SLC39A11: variants seen among roughly 807,000 people sequenced by gnomAD.
SLC39A11 encodes the protein zinc transporter ZIP11.
Under a neutral mutation model 36.1 loss-of-function variants are expected in SLC39A11, and 33 were observed. The observed-to-expected ratio is 0.91, with a 90% confidence interval of 0.69 to 1.22. The LOEUF (loss-of-function observed/expected upper bound fraction) is 1.22, where lower values mean the gene tolerates loss of function less well. SLC39A11 is among the 50% of genes most tolerant of loss of function. The probability of loss-of-function intolerance (pLI) is 0.00; values close to 1 mark genes in which losing one functional copy is unlikely to be tolerated. For missense variants in SLC39A11, 432 were observed against 430.3 expected, an observed-to-expected ratio of 1.00 and a Z score of -0.03; for synonymous variants, 166 against 170.3, an observed-to-expected ratio of 0.97 and a Z score of 0.20.
chr17:72,792,618 C>A (rs1485329157), intron 6 of SLC39A11, among the ~76,000 whole-genome samples: 2 of 152,156 alleles, frequency 1.3e-5, no homozygotes, highest in East Asian at 3.9e-4. Flanking sequence ...AGTTTTAAAT[C>A]ACAGTTCTAT....
At chr17:72,791,680 G>A (rs1156873324) in intron 6 of SLC39A11, among the ~76,000 whole-genome samples, 1 of 152,148 alleles carries the variant, frequency 6.6e-6, no homozygotes, top group African/African-American at 2.4e-5. Flanking sequence ...CCCATGTGTT[G>A]GGGGAGGGAG....
At chr17:73,004,178 A>AG (rs1491140766) in intron 4 of SLC39A11, among the ~76,000 whole-genome samples, 80 of 78,600 alleles carry the variant, frequency 1.0e-3, no homozygotes, top group African/African-American at 4.2e-3. Context: ...AAAGAAAGAA[A>AG]GAAAGAAAGA....
At chr17:72,705,133 C>T (rs1286536340) in intron 7 of SLC39A11, among the ~76,000 whole-genome samples, 1 of 152,172 alleles carries the variant, frequency 6.6e-6, no homozygotes, top group Non-Finnish European at 1.5e-5. Context: ...AGTAAATTCT[C>T]TTTTTAGTTT....
intron 6 of SLC39A11, among the ~76,000 whole-genome samples, chr17:72,737,816 G>T (rs80246375): frequency 3.9e-4 from 59 of 152,010 alleles, no homozygotes; most frequent in African/African-American, 1.4e-3. Flanking sequence ...GCAGCCTCAG[G>T]CCCCAAATAC....
intron 5 of SLC39A11, among the ~76,000 whole-genome samples, chr17:72,877,989 G>T: frequency 1.1e-5 from 1 of 86,970 alleles, no homozygotes; most frequent in Non-Finnish European, 2.1e-5. Flanking sequence ...CCCACAACAG[G>T]CCCCAGTGCG....
At chr17:72,863,935 A>C (rs944328169) in intron 5 of SLC39A11, among the ~76,000 whole-genome samples, 1 of 152,224 alleles carries the variant, frequency 6.6e-6, no homozygotes, top group Non-Finnish European at 1.5e-5. Flanking sequence ...TCTGCCACCA[A>C]AACAGAAAAA....
intron 4 of SLC39A11, among the ~76,000 whole-genome samples, chr17:73,029,685 G>A (rs1376791821): frequency 6.6e-6 from 1 of 151,880 alleles, no homozygotes; most frequent in Non-Finnish European, 1.5e-5. Context: ...AGGTTCAAGC[G>A]ATTCTCATGC....
intron 2 of SLC39A11, among the ~76,000 whole-genome samples, chr17:73,088,106 A>G (rs549085697): frequency 5.9e-5 from 9 of 152,102 alleles, no homozygotes; most frequent in Admixed American, 3.3e-4. Flanking sequence ...GGAGTTTGAG[A>G]CCAGTGGTGA....
intron 6 of SLC39A11, among the ~76,000 whole-genome samples, chr17:72,743,448 G>C (rs1465217695): frequency 6.6e-6 from 1 of 152,188 alleles, no homozygotes; most frequent in East Asian, 1.9e-4. Flanking sequence ...TTCTGTGATG[G>C]TTTGCAAAGG....
intron 6 of SLC39A11, among the ~76,000 whole-genome samples, chr17:72,761,005 C>G (rs550484190): frequency 2.3e-4 from 35 of 152,314 alleles, no homozygotes; most frequent in African/African-American, 7.9e-4. Context: ...TCACCTGTTC[C>G]CCAGGACTCT....
chr17:72,886,520 C>T (rs184666842), intron 5 of SLC39A11, among the ~76,000 whole-genome samples: 1 of 152,174 alleles, frequency 6.6e-6, no homozygotes, highest in African/African-American at 2.4e-5. Flanking sequence ...ACTCTTTCTG[C>T]AGCTCAAGCT....
At chr17:72,717,249 A>G (rs574892496) in intron 7 of SLC39A11, among the ~76,000 whole-genome samples, 5 of 152,084 alleles carry the variant, frequency 3.3e-5, no homozygotes, top group African/African-American at 1.2e-4. Context: ...GAGGAAGTGG[A>G]GAAAGCTAAG....
At chr17:72,777,753 T>C (rs2076181635) in intron 6 of SLC39A11, among the ~76,000 whole-genome samples, 1 of 152,144 alleles carries the variant, frequency 6.6e-6, no homozygotes, top group African/African-American at 2.4e-5. Flanking sequence ...TTTAAGTCAC[T>C]GAGTTTGTGG....
At chr17:72,880,500 G>A (rs2081141960) in intron 5 of SLC39A11, among the ~76,000 whole-genome samples, 1 of 152,096 alleles carries the variant, frequency 6.6e-6, no homozygotes, top group African/African-American at 2.4e-5. Context: ...TGAGCTCTGG[G>A]AGGCAGAGGT....
intron 7 of SLC39A11, among the ~76,000 whole-genome samples, chr17:72,680,171 C>T (rs2071452162): frequency 6.6e-6 from 1 of 151,384 alleles, no homozygotes; most frequent in Admixed American, 6.6e-5. Flanking sequence ...TGTTGTGCAA[C>T]CATCACCACA....
At chr17:72,967,399 A>AGTGTGTGT (rs1555655753) in intron 4 of SLC39A11, among the ~76,000 whole-genome samples, 1 of 138,200 alleles carries the variant, frequency 7.2e-6, no homozygotes, top group African/African-American at 2.8e-5. Context: ...AGAGAGAGAG[A>AGTGTGTGT]GTGTGTGTGT....
intron 3 of SLC39A11, 111 bp downstream of exon 3, chr17:73,084,697 A>C: frequency 2.1e-6 from 2 of 955,704 alleles, no homozygotes; most frequent in Non-Finnish European, 3.4e-6. Context: ...TGCCTGAGGA[A>C]CACAGAGATG....
chr17:72,850,995 C>T (rs914241921), intron 5 of SLC39A11, among the ~76,000 whole-genome samples: 3 of 151,968 alleles, frequency 2.0e-5, no homozygotes, highest in Non-Finnish European at 4.4e-5. Flanking sequence ...TCACGTGATG[C>T]GCGAGCAGCT....
At chr17:73,065,566 CGAGCAAAAAGATTCT>C (rs2059974773) in intron 3 of SLC39A11, among the ~76,000 whole-genome samples, 1 of 152,096 alleles carries the variant, frequency 6.6e-6, no homozygotes, top group Admixed American at 6.6e-5. Flanking sequence ...ATCCTTCCCC[CGAGCAAAAAGATTCT>C]GAAGATATTA....
Sources: allele counts gnomAD v4.1 joint callset (sites outside exome capture counted in the v4.1 genomes callset), GRCh38; gene constraint gnomAD v4.1.1; transcripts MANE v1.5; gene names NCBI Gene and HGNC (gene_info 2026-07-23, HGNC 2026-07-21).